NCKAP5: variants seen among roughly 807,000 people sequenced by gnomAD.
NCKAP5 encodes the protein nck-associated protein 5.
Under a neutral mutation model 167.0 loss-of-function variants are expected in NCKAP5, and 92 were observed. The ratio of observed to expected loss-of-function variants is 0.55; its 90% CI spans 0.47 to 0.66. NCKAP5 has a LOEUF of 0.66. NCKAP5 is among the 30% of genes least tolerant of loss of function. The pLI, the probability that NCKAP5 is intolerant of heterozygous loss-of-function variation, is 0.00. For synonymous variants in NCKAP5, 891 were observed against 877.4 expected, an observed-to-expected ratio of 1.02 and a Z score of -0.27; for missense variants, 2,378 against 2,315.0, an observed-to-expected ratio of 1.03 and a Z score of -0.56.
intron 3 of NCKAP5, among the ~76,000 whole-genome samples, chr2:133,468,517 T>C (rs1251648187): frequency 6.6e-6 from 1 of 152,004 alleles, no homozygotes; most frequent in Non-Finnish European, 1.5e-5. Flanking sequence ...TCTGTAGATG[T>C]CTATTAGGTC....
chr2:133,482,911 G>C (rs1680581350), intron 3 of NCKAP5, among the ~76,000 whole-genome samples: 1 of 152,022 alleles, frequency 6.6e-6, no homozygotes, highest in Non-Finnish European at 1.5e-5. Flanking sequence ...CTGTGATACA[G>C]TTTTCTCTTT....
intron 16 of NCKAP5, among the ~76,000 whole-genome samples, chr2:132,739,181 C>G (rs900461350): frequency 4.6e-5 from 7 of 152,160 alleles, no homozygotes; most frequent in African/African-American, 1.7e-4. Flanking sequence ...GGAAATGCCA[C>G]TAATTTGTTT....
chr2:133,213,826 G>C, intron 4 of NCKAP5, 47 bp from the exon 5 acceptor site: 4 of 1,582,118 alleles, frequency 2.5e-6, no homozygotes, highest in Non-Finnish European at 2.6e-6. Context: ...TCAGGGTAGA[G>C]GTGACACTGG....
At chr2:133,415,287 C>T (rs768589264) in intron 3 of NCKAP5, among the ~76,000 whole-genome samples, 3 of 152,250 alleles carry the variant, frequency 2.0e-5, no homozygotes, top group Non-Finnish European at 4.4e-5. Flanking sequence ...TGACCACAGT[C>T]ATGCATCTGG....
intron 5 of NCKAP5, among the ~76,000 whole-genome samples, chr2:133,204,841 T>A (rs1253715223): frequency 6.6e-6 from 1 of 152,238 alleles, no homozygotes; most frequent in African/African-American, 2.4e-5. Context: ...TGACTTACAA[T>A]GTGCATTTCT....
intron 3 of NCKAP5, among the ~76,000 whole-genome samples, chr2:133,416,127 T>C (rs1689091917): frequency 6.6e-6 from 1 of 152,238 alleles, no homozygotes. Flanking sequence ...GTTTGGCAGC[T>C]TATTATACAT....
chr2:133,051,390 T>G (rs1211441512), intron 6 of NCKAP5, among the ~76,000 whole-genome samples: 1 of 152,284 alleles, frequency 6.6e-6, no homozygotes, highest in South Asian at 2.1e-4. Flanking sequence ...TACCAGAAAT[T>G]ATTTTTCATC....
intron 5 of NCKAP5, among the ~76,000 whole-genome samples, chr2:133,177,826 C>T (rs1000934450): frequency 1.3e-5 from 2 of 152,176 alleles, no homozygotes; most frequent in African/African-American, 4.8e-5. Flanking sequence ...TGGACTTCCA[C>T]CTCTACCCAG....
intron 3 of NCKAP5, among the ~76,000 whole-genome samples, chr2:133,358,660 G>A (rs1161606485): frequency 6.6e-6 from 1 of 152,060 alleles, no homozygotes; most frequent in African/African-American, 2.4e-5. Flanking sequence ...GTTCTGTTGT[G>A]GCCTGGGAGT....
chr2:132,822,637 T>C (rs1275846316), intron 11 of NCKAP5, among the ~76,000 whole-genome samples: 1 of 152,120 alleles, frequency 6.6e-6, no homozygotes, highest in African/African-American at 2.4e-5. Context: ...TCTGGTAATA[T>C]GACAAAACAG....
At chr2:133,296,026 C>T (rs1435185602) in intron 4 of NCKAP5, among the ~76,000 whole-genome samples, 2 of 152,124 alleles carry the variant, frequency 1.3e-5, no homozygotes, top group Admixed American at 6.6e-5. Flanking sequence ...AACCAACTGC[C>T]CTTATAACAC....
At chr2:133,051,137 T>C (rs1240981310) in intron 6 of NCKAP5, among the ~76,000 whole-genome samples, 1 of 152,186 alleles carries the variant, frequency 6.6e-6, no homozygotes, top group Admixed American at 6.6e-5. Context: ...GAAAACTGAC[T>C]TGAGGCTTGG....
In NCKAP5 at chr2:132,675,135, A is replaced by C. The variant is rs1036490560; in HGVS notation, c.5714-1830T>G. On this transcript the variant is annotated intron_variant, in intron 19 of 19. Coordinates refer to ENST00000409261, the MANE Select transcript of NCKAP5 (RefSeq NM_207363.3). ...ATCTATGTGGATCTCAAATTCATTCAACACACACTCATTAGAGAAGCTACT... is the reference window on the plus strand; with the variant it reads ...ATCTATGTGGATCTCAAATTCATTCCACACACACTCATTAGAGAAGCTACT... Among the ~76,000 whole-genome samples, 5 of 152,270 alleles carry C rather than the reference A, an allele frequency of 3.3e-5. No homozygotes were observed. The East Asian group carries it at 7.7e-4, about 24-fold the overall frequency.
intron 12 of NCKAP5, among the ~76,000 whole-genome samples, chr2:132,790,419 A>G (rs1683971587): frequency 6.6e-6 from 1 of 152,170 alleles, no homozygotes; most frequent in African/African-American, 2.4e-5. Context: ...CTACACTTAC[A>G]TTAGCCTACG....
At chr2:133,088,813 T>C (rs532881996) in intron 6 of NCKAP5, among the ~76,000 whole-genome samples, 1 of 152,312 alleles carries the variant, frequency 6.6e-6, no homozygotes, top group South Asian at 2.1e-4. Flanking sequence ...GAATATAGAA[T>C]GAATTAAGCA....
chr2:132,827,185 G>A (rs1298839781), intron 11 of NCKAP5, among the ~76,000 whole-genome samples: 1 of 152,110 alleles, frequency 6.6e-6, no homozygotes, highest in East Asian at 1.9e-4. Context: ...TGACAGGCCT[G>A]ACCTCACTCC....
At chr2:132,769,613 T>C (rs185094640) in intron 16 of NCKAP5, among the ~76,000 whole-genome samples, 2 of 152,324 alleles carry the variant, frequency 1.3e-5, no homozygotes, top group East Asian at 1.9e-4. Flanking sequence ...AGGGACTTTT[T>C]AGAAGGTCTG....
At chr2:133,665,989 A>C in the NCKAP5 span, among the ~76,000 whole-genome samples, 5 of 151,442 alleles carry the variant, frequency 3.3e-5, no homozygotes, top group South Asian at 1.0e-3. Context: ...AAACAAATTC[A>C]GCAATACAAA....
chr2:132,794,303 GA>G (rs1221031343), intron 12 of NCKAP5, among the ~76,000 whole-genome samples: 1 of 119,274 alleles, frequency 8.4e-6, no homozygotes, highest in African/African-American at 3.1e-5. Flanking sequence ...GAGAGAGAGA[GA>G]GAGGGTGGCG....
Sources: allele counts gnomAD v4.1 joint callset (sites outside exome capture counted in the v4.1 genomes callset), GRCh38; gene constraint gnomAD v4.1.1; transcripts MANE v1.5; gene names NCBI Gene and HGNC (gene_info 2026-07-23, HGNC 2026-07-21).